SLC9A6: variants seen among roughly 807,000 people sequenced by gnomAD.
SLC9A6 encodes solute carrier family 9 member A6.
In SLC9A6, 6 loss-of-function variants were observed where a neutral mutation model predicts 45.3. That is an observed-to-expected ratio of 0.13 (90% CI 0.07 to 0.26). The LOEUF (loss-of-function observed/expected upper bound fraction) is 0.26, where lower values mean the gene tolerates loss of function less well. Ranked by LOEUF, SLC9A6 falls within the 10% of genes least tolerant of loss-of-function variation. SLC9A6 has a pLI of 1.00. For missense variants in SLC9A6, 278 were observed against 503.7 expected, an observed-to-expected ratio of 0.55 and a Z score of 4.29; for synonymous variants, 191 against 187.7, an observed-to-expected ratio of 1.02 and a Z score of -0.14.
chrX:136,035,538 G>C (rs782818636), intron 16 of SLC9A6, among the ~76,000 whole-genome samples: 6 of 111,627 alleles, frequency 5.4e-5, no homozygotes, highest in African/African-American at 2.0e-4. Context: ...GTAGGGTAGA[G>C]CTCTGTAGTA....
intron 7 of SLC9A6, among the ~76,000 whole-genome samples, chrX:136,006,953 G>A (rs975779881): frequency 1.8e-5 from 2 of 110,079 alleles, no homozygotes; most frequent in Admixed American, 9.7e-5. Context: ...TGCTACCTCC[G>A]CCTCCCAGGT....
chrX:136,014,679 C>T (rs1284194030), intron 10 of SLC9A6, among the ~76,000 whole-genome samples: 1 of 112,688 alleles, frequency 8.9e-6, no homozygotes, highest in Non-Finnish European at 1.9e-5. Context: ...GTAGAAGAAT[C>T]GCTTGAACCC....
chrX:135,977,300 G>A (rs782034346), intron 1 of SLC9A6, among the ~76,000 whole-genome samples: 79 of 112,155 alleles, frequency 7.0e-4, no homozygotes, highest in Non-Finnish European at 1.4e-3. Context: ...TCTCTAAAGC[G>A]TTTCCTACTG....
chrX:136,013,231 AG>A (rs2070956752), intron 9 of SLC9A6, 117 bp from the exon 10 acceptor site: 1 of 760,739 alleles, frequency 1.3e-6, no homozygotes. Flanking sequence ...CTCTTAACAA[AG>A]TAAGTCACAA....
chrX:135,977,336 C>T (rs1486481789), intron 1 of SLC9A6, among the ~76,000 whole-genome samples: 7 of 112,144 alleles, frequency 6.2e-5, no homozygotes, highest in Admixed American at 9.5e-5. Flanking sequence ...AGACTTATCA[C>T]GTTTCCCAGG....
chrX:135,997,599 G>T (rs2089524156), intron 3 of SLC9A6, among the ~76,000 whole-genome samples: 1 of 105,806 alleles, frequency 9.5e-6, no homozygotes, highest in Non-Finnish European at 1.9e-5. Flanking sequence ...GTAGAGTTGG[G>T]GCTTCACCAT....
intron 17 of SLC9A6, among the ~76,000 whole-genome samples, chrX:136,041,122 GAAA>G (rs1231264568): frequency 9.8e-6 from 1 of 101,961 alleles, no homozygotes; most frequent in African/African-American, 3.6e-5. Context: ...TGTATCAAAA[GAAA>G]AAAAAAAGAA....
chrX:135,981,645 G>A (rs142116207), upstream of SLC9A6, among the ~76,000 whole-genome samples: 251 of 112,381 alleles, frequency 2.2e-3, 8 homozygotes, highest in East Asian at 0.053. Context: ...CAAGGAACTA[G>A]AAGTTCAGAA....
chrX:136,032,356 G>A (rs2071341423), intron 15 of SLC9A6, among the ~76,000 whole-genome samples: 1 of 112,706 alleles, frequency 8.9e-6, no homozygotes, highest in South Asian at 3.6e-4. Context: ...ACAGGCATGA[G>A]CCACTGTGTC....
At chrX:136,001,151 C>A (rs1208691576) in intron 6 of SLC9A6, among the ~76,000 whole-genome samples, 1 of 109,293 alleles carries the variant, frequency 9.1e-6, no homozygotes, top group Non-Finnish European at 1.9e-5. Flanking sequence ...CTGACTAACA[C>A]GGTAAAACTC....
Position 136,034,266 on chromosome X carries a change from T to C in SLC9A6, c.1661+773T>C, listed in dbSNP as rs370130840. Among the ~76,000 whole-genome samples the C allele has an allele frequency of 1.5e-4, 17 of 110,560 alleles. No individual in the cohort carries two copies. The East Asian group carries it at 3.7e-3, about 24-fold the overall frequency. On this transcript the variant is annotated intron_variant, in intron 16 of 17. Transcript: ENST00000630721. ...TAGATTCTCACAGGAGCCCGAACCC[T>C]GTTGTGAACTGCACTTGCGAGGGAT...
At chrX:135,973,909 G>A (rs782576641), upstream of SLC9A6, 3 of 1,147,035 alleles carry the variant, frequency 2.6e-6, no homozygotes, top group South Asian at 5.8e-5. Context: ...CCTGCGCTAT[G>A]GAGGCCTCTC....
At chrX:135,993,904 T>A (rs1336049272) in intron 2 of SLC9A6, among the ~76,000 whole-genome samples, 1 of 111,725 alleles carries the variant, frequency 9.0e-6, no homozygotes, top group South Asian at 3.7e-4. Context: ...GGACTTCTAT[T>A]CCATGTTTTG....
chrX:135,996,916 G>A (rs781841386), intron 3 of SLC9A6, among the ~76,000 whole-genome samples: 1,174 of 108,478 alleles, frequency 0.011, 5 homozygotes, highest in African/African-American at 0.014. Context: ...ACAGGCGCCC[G>A]CCACCACGCC....
intron 2 of SLC9A6, among the ~76,000 whole-genome samples, chrX:135,986,678 T>C (rs782597236): frequency 9.0e-6 from 1 of 111,356 alleles, no homozygotes; most frequent in Non-Finnish European, 1.9e-5. Context: ...GATTCTTGTG[T>C]CTCAGTCTGC....
chrX:135,988,473 T>TTTCTTTC (rs2089375482), intron 2 of SLC9A6, among the ~76,000 whole-genome samples: 3 of 106,918 alleles, frequency 2.8e-5, no homozygotes, highest in African/African-American at 6.9e-5. Context: ...TCTTTCTTTC[T>TTTCTTTC]TTTCTTTCTT....
chrX:136,009,716 C>T, intron 7 of SLC9A6, among the ~76,000 whole-genome samples: 2 of 111,927 alleles, frequency 1.8e-5, no homozygotes, highest in South Asian at 7.5e-4. Flanking sequence ...CTTTTTCAGA[C>T]CAGGTTTGGA....
chrX:135,993,358 G>C (rs1239906894), intron 2 of SLC9A6, among the ~76,000 whole-genome samples: 3 of 111,896 alleles, frequency 2.7e-5, no homozygotes, highest in Non-Finnish European at 5.6e-5. Flanking sequence ...TCTAGAATTA[G>C]ATAGTGGTGA....
chrX:136,022,430 A>G (rs1226548059), intron 11 of SLC9A6, among the ~76,000 whole-genome samples, 156 bp from the exon 12 acceptor site: 2 of 112,073 alleles, frequency 1.8e-5, no homozygotes, highest in Admixed American at 9.5e-5. Context: ...ATCATTGCAG[A>G]AAGTTCTGTT....
Sources: gnomAD v4.1 joint callset for allele counts (sites outside exome capture counted in the v4.1 genomes callset) on GRCh38, gnomAD v4.1.1 for gene constraint, MANE v1.5 for transcripts, NCBI Gene and HGNC (gene_info 2026-07-23, HGNC 2026-07-21) for gene names.